The following PRKN variants were observed in gnomAD, a reference collection of about 807,000 sequenced individuals.
The protein encoded by PRKN is E3 ubiquitin-protein ligase parkin.
A neutral mutation model predicts 59.5 loss-of-function variants in PRKN; 56 were observed. That is an observed-to-expected ratio of 0.94 (90% confidence interval 0.76 to 1.18). The LOEUF is 1.18. PRKN is among the 50% of genes most tolerant of loss of function. The pLI, the probability that PRKN is intolerant of heterozygous loss-of-function variation, is 0.00. For synonymous variants in PRKN, 250 were observed against 222.1 expected (o/e 1.13, Z -1.12); for missense variants, 657 against 596.4 (o/e 1.10, Z -1.06).
At chr6:161,787,760 C>G (rs1790480216) in intron 6 of PRKN, among the ~76,000 whole-genome samples, 1 of 152,064 alleles carries the variant, frequency 6.6e-6, no homozygotes, top group Non-Finnish European at 1.5e-5. Flanking sequence ...TCCTGGCTAA[C>G]ACAGCGAAAG....
chr6:161,965,388 G>A (rs1780538275), intron 6 of PRKN, among the ~76,000 whole-genome samples: 1 of 152,036 alleles, frequency 6.6e-6, no homozygotes, highest in Non-Finnish European at 1.5e-5. Flanking sequence ...TCAAACATGT[G>A]TCTCGAAGGT....
At chr6:162,663,174 C>G (rs903197605) in intron 1 of PRKN, among the ~76,000 whole-genome samples, 3 of 152,152 alleles carry the variant, frequency 2.0e-5, no homozygotes, top group Non-Finnish European at 4.4e-5. Flanking sequence ...TTTTATATAT[C>G]AGGGATTGCT....
chr6:162,320,186 C>A (rs1014752420), intron 2 of PRKN, among the ~76,000 whole-genome samples: 9 of 151,436 alleles, frequency 5.9e-5, no homozygotes, highest in African/African-American at 2.2e-4. Flanking sequence ...TGTATATCTG[C>A]CAGTTTCTTT....
intron 7 of PRKN, among the ~76,000 whole-genome samples, chr6:161,637,771 A>C (rs1783582138): frequency 2.0e-5 from 3 of 151,670 alleles, no homozygotes; most frequent in Non-Finnish European, 4.4e-5. Flanking sequence ...GATTGGCCCC[A>C]ATTCTGTTTA....
chr6:161,896,929 C>T (rs530707013), intron 6 of PRKN, among the ~76,000 whole-genome samples: 44 of 152,324 alleles, frequency 2.9e-4, no homozygotes, highest in African/African-American at 8.7e-4. Flanking sequence ...GTGTTCAGCA[C>T]GCACAGTCAC....
In PRKN at chr6:161,399,114, A is replaced by G. The variant is rs777643254; in HGVS notation, c.1084-12237T>C. ...GAGGAGTTCTGCTGCAGACAGTTAG[A>G]GAGGAGATTGGCTGCTGGACGGCCC... On this transcript the variant is annotated intron_variant, in intron 9 of 11. Coordinates refer to ENST00000366898, the MANE Select transcript of PRKN (RefSeq NM_004562.3). This position sits in a 1 kb window ranked among gnomAD's most constrained non-coding sequence, Gnocchi z 4.4. Among the ~76,000 whole-genome samples, 3 of 152,052 alleles carry G rather than the reference A, an allele frequency of 2.0e-5. No homozygotes were observed. The highest frequency in any genetic ancestry group is 4.4e-5 in the Non-Finnish European group (3 of 67,950).
At chr6:162,560,073 A>C (rs1402567223) in intron 1 of PRKN, among the ~76,000 whole-genome samples, 1 of 152,222 alleles carries the variant, frequency 6.6e-6, no homozygotes, top group East Asian at 1.9e-4. Context: ...AGTTAATATG[A>C]TGACAGAAGG....
chr6:161,735,624 T>A (rs1787931820), intron 7 of PRKN, among the ~76,000 whole-genome samples: 1 of 151,968 alleles, frequency 6.6e-6, no homozygotes, highest in African/African-American at 2.4e-5. Flanking sequence ...TTTTTAAAAG[T>A]GAGACTGTAA....
chr6:162,379,769 T>C (rs1275286634), intron 2 of PRKN, among the ~76,000 whole-genome samples: 1 of 152,208 alleles, frequency 6.6e-6, no homozygotes, highest in Non-Finnish European at 1.5e-5. Context: ...GAGCAGACAA[T>C]AGATTTTAAG....
chr6:162,352,974 T>A (rs1049168948), intron 2 of PRKN, among the ~76,000 whole-genome samples: 3 of 152,208 alleles, frequency 2.0e-5, no homozygotes, highest in African/African-American at 7.2e-5. Context: ...TATTTCCTAA[T>A]GAGTAAACAG....
At chr6:161,962,065 A>G (rs1780401898) in intron 6 of PRKN, among the ~76,000 whole-genome samples, 1 of 152,204 alleles carries the variant, frequency 6.6e-6, no homozygotes, top group South Asian at 2.1e-4. Context: ...CCTTGCTGCG[A>G]TAAATGAATT....
intron 4 of PRKN, among the ~76,000 whole-genome samples, chr6:162,089,004 AGGTACTTAGATCT>A (rs1779365917): frequency 6.6e-6 from 1 of 152,216 alleles, no homozygotes; most frequent in Admixed American, 6.5e-5. Flanking sequence ...GGTTTGGAAA[AGGTACTTAGATCT>A]GGCACCAAAA....
chr6:162,572,146 A>G (rs945745562), intron 1 of PRKN, among the ~76,000 whole-genome samples: 1 of 152,124 alleles, frequency 6.6e-6, no homozygotes. Flanking sequence ...ACCTGTCCCA[A>G]ATGTGTCTTT....
intron 4 of PRKN, among the ~76,000 whole-genome samples, chr6:162,146,113 C>T (rs1005781909): frequency 3.3e-5 from 5 of 152,076 alleles, no homozygotes; most frequent in African/African-American, 9.7e-5. Flanking sequence ...CAGTGTGAAA[C>T]GGCCTTAGGA....
intron 4 of PRKN, among the ~76,000 whole-genome samples, chr6:162,129,875 G>C (rs967093891): frequency 1.3e-5 from 2 of 151,986 alleles, no homozygotes; most frequent in African/African-American, 2.4e-5. Flanking sequence ...CCTGTAGAGT[G>C]TTTACACTGA....
chr6:161,467,667 G>A lies in PRKN; in HGVS notation c.1084-80790C>T, dbSNP rs1201987680. ...GGAGTCTCAAAGGATGTGCAGGAGC[G>A]ACAGAGGCTGCAAATGCCTGCCCAA... On this transcript the variant is annotated intron_variant, in intron 9 of 11. Transcript: ENST00000366898. The surrounding 1 kb of genome is among the most constrained non-coding windows in gnomAD (Gnocchi z 4.3). 1.3e-5 allele frequency among the ~76,000 whole-genome samples: 2 copies of A among 152,182 alleles called. No homozygotes were observed. Among genetic ancestry groups the A allele is most frequent in the African/African-American group, 2.4e-5 (1 of 41,434 alleles).
chr6:162,661,301 A>C (rs1778869864), intron 1 of PRKN, among the ~76,000 whole-genome samples: 1 of 152,164 alleles, frequency 6.6e-6, no homozygotes, highest in Non-Finnish European at 1.5e-5. Context: ...ATTGGCCACC[A>C]CTGACTTCAG....
chr6:161,984,783 T>C (rs1319004655), intron 5 of PRKN, among the ~76,000 whole-genome samples: 1 of 152,236 alleles, frequency 6.6e-6, no homozygotes, highest in Non-Finnish European at 1.5e-5. Flanking sequence ...ATGATCTTGC[T>C]GTTAGCATTT....
At chr6:161,820,529 A>G (rs973241836) in intron 6 of PRKN, among the ~76,000 whole-genome samples, 2 of 147,842 alleles carry the variant, frequency 1.4e-5, no homozygotes, top group African/African-American at 4.9e-5. Flanking sequence ...TTTAAAAAAT[A>G]AAAATTTTAT....
Sources: allele counts gnomAD v4.1 joint callset (sites outside exome capture counted in the v4.1 genomes callset), GRCh38; gene constraint gnomAD v4.1.1; non-coding constraint Gnocchi (gnomAD v3.1); transcripts MANE v1.5; gene names NCBI Gene and HGNC (gene_info 2026-07-23, HGNC 2026-07-21).